Variants in FHDC1 observed in about 807,000 individuals in gnomAD.
FHDC1 encodes FH2 domain containing 1, also known as FH2 domain-containing protein 1.
Under a neutral mutation model 52.6 loss-of-function variants are expected in FHDC1, and 25 were observed. The observed-to-expected ratio is 0.48, with a 90% CI of 0.35 to 0.66. The LOEUF (loss-of-function observed/expected upper bound fraction) is 0.66, where lower values mean the gene tolerates loss of function less well. Ranked by LOEUF, FHDC1 falls within the 30% of genes least tolerant of loss-of-function variation. FHDC1 has a pLI of 0.01. For synonymous variants in FHDC1, 616 were observed against 581.5 expected (o/e 1.06, Z -0.85); for missense variants, 1,459 against 1,452.8 (o/e 1.00, Z -0.07).
the FHDC1 span, among the ~76,000 whole-genome samples, chr4:152,921,202 T>C: frequency 6.6e-6 from 1 of 152,014 alleles, no homozygotes; most frequent in South Asian, 2.1e-4. Context: ...TAAATAACTT[T>C]TGAATTAGAC....
At chr4:152,954,077 G>A (rs1255433302) in intron 3 of FHDC1, 140 bp from the exon 4 acceptor site, 5 of 654,924 alleles carry the variant, frequency 7.6e-6, no homozygotes, top group East Asian at 2.8e-5. Context: ...GCTGTTATGA[G>A]CACTCACACA....
At chr4:152,938,934 C>T (rs771851190) in intron 1 of FHDC1, among the ~76,000 whole-genome samples, 1 of 152,194 alleles carries the variant, frequency 6.6e-6, no homozygotes, top group Non-Finnish European at 1.5e-5. Flanking sequence ...TTCTGAGCAC[C>T]AGGACCACTG....
the FHDC1 span, among the ~76,000 whole-genome samples, chr4:152,929,311 TTAGTG>T: frequency 6.6e-6 from 1 of 152,186 alleles, no homozygotes; most frequent in Non-Finnish European, 1.5e-5. This position sits in a 1 kb window ranked among gnomAD's most constrained non-coding sequence, Gnocchi z 4.1. Context: ...TTGGTCTGGC[TTAGTG>T]AAACAATAAG....
At chr4:152,974,397 A>AC (rs1740771186) in intron 11 of FHDC1, among the ~76,000 whole-genome samples, 1 of 35,124 alleles carries the variant, frequency 2.8e-5, no homozygotes, top group African/African-American at 4.0e-5. Context: ...ATCGGATAAA[A>AC]ACTGTAGACA....
the FHDC1 span, among the ~76,000 whole-genome samples, chr4:152,925,025 AAAAT>A: frequency 2.6e-5 from 4 of 152,042 alleles, no homozygotes; most frequent in Non-Finnish European, 5.9e-5. Context: ...AAAAAGAAGA[AAAAT>A]AAATAAAAAA....
the FHDC1 span, among the ~76,000 whole-genome samples, chr4:152,928,560 T>C: frequency 6.6e-6 from 1 of 152,248 alleles, no homozygotes; most frequent in African/African-American, 2.4e-5. Context: ...TTCTGTTTTT[T>C]ACTTTTCCCC....
intron 10 of FHDC1, among the ~76,000 whole-genome samples, chr4:152,971,534 T>G (rs1740634806): frequency 6.6e-6 from 1 of 152,188 alleles, no homozygotes; most frequent in Non-Finnish European, 1.5e-5. Context: ...CTGAAGGCCT[T>G]GGAAATCATT....
rs111488597 is a variant in FHDC1 at position 152,964,066 on chromosome 4, G to A, written c.1030-839G>A. On this transcript the variant is annotated intron_variant, in intron 8 of 11. Transcript: ENST00000511601. ...TCCTTTGCTAGCTCTACTTCCTCAG[G>A]CAAGTTATTTAAACCTGAAGACCCT... 5.1e-3 allele frequency among the ~76,000 whole-genome samples: 778 copies of A among 152,058 alleles called. 6 individuals carry two copies. The highest frequency in any genetic ancestry group is 0.017 in the Middle Eastern group (5 of 294).
At chr4:152,935,869 G>A (rs1436713447), upstream of FHDC1, among the ~76,000 whole-genome samples, 1 of 152,154 alleles carries the variant, frequency 6.6e-6, no homozygotes, top group South Asian at 2.1e-4. Flanking sequence ...ATAAGAGTGT[G>A]TGCGCGCCCG....
intron 11 of FHDC1, among the ~76,000 whole-genome samples, chr4:152,973,330 T>C (rs948728421): frequency 5.3e-5 from 8 of 152,194 alleles, no homozygotes; most frequent in Non-Finnish European, 1.2e-4. Flanking sequence ...CTTTGAGGGA[T>C]TGGTCAGATT....
chr4:152,946,597 A>G (rs1739741501), intron 2 of FHDC1, among the ~76,000 whole-genome samples: 1 of 152,194 alleles, frequency 6.6e-6, no homozygotes, highest in Admixed American at 6.5e-5. Flanking sequence ...CAAAAGTAAT[A>G]GTCCTACCAT....
At chr4:152,911,608 G>A in the FHDC1 span, 2 of 152,690 alleles carry the variant, frequency 1.3e-5, no homozygotes, top group East Asian at 3.9e-4. Flanking sequence ...TTTCTTCTGT[G>A]TTGAAATGAA....
Position 152,976,199 on chromosome 4 carries a change from G to A in FHDC1, c.2908G>A (p.Gly970Arg), listed in dbSNP as rs759807828. The part of the protein sequence containing the change: ...GSSGSSSTRP[G>R]RDVPLQPRGS... ...CAGCGGCTCCAGCAGCACCCGTCCG[G>A]GGAGGGACGTTCCCCTGCAGCCCAG... Residue 970 changes from glycine to arginine, a missense_variant, in exon 12 of 12, where the codon GGG (glycine) becomes AGG (arginine). Transcript: ENST00000511601. 25 of 1,612,816 alleles carry A rather than the reference G, an allele frequency of 1.6e-5. No individual in the cohort carries two copies. Among genetic ancestry groups the A allele is most frequent in the Non-Finnish European group, 2.0e-5 (24 of 1,179,822 alleles).
intron 4 of FHDC1, among the ~76,000 whole-genome samples, chr4:152,956,924 C>A (rs1391397067): frequency 6.6e-6 from 1 of 152,146 alleles, no homozygotes; most frequent in Non-Finnish European, 1.5e-5. Context: ...CCTTCCTAAA[C>A]CCTCCCGGGT....
At chr4:152,957,723 C>T (rs1740143811) in intron 4 of FHDC1, among the ~76,000 whole-genome samples, 1 of 152,222 alleles carries the variant, frequency 6.6e-6, no homozygotes, top group South Asian at 2.1e-4. Flanking sequence ...CCTGCCTTCT[C>T]AGCTGACAAG....
At chr4:152,939,737 A>G (rs1186210352) in intron 1 of FHDC1, among the ~76,000 whole-genome samples, 1 of 152,200 alleles carries the variant, frequency 6.6e-6, no homozygotes, top group Non-Finnish European at 1.5e-5. Context: ...TCCCATCTTC[A>G]GAGCCCAGCC....
At chr4:152,974,262 C>T (rs1740764775) in intron 11 of FHDC1, among the ~76,000 whole-genome samples, 1 of 152,142 alleles carries the variant, frequency 6.6e-6, no homozygotes. Flanking sequence ...CCTGGAAGTC[C>T]TCTGTGTCTT....
At chr4:152,968,310 C>T (rs2090383) in intron 10 of FHDC1, among the ~76,000 whole-genome samples, 114,726 of 151,098 alleles carry the variant, frequency 0.76, 46,149 homozygotes, top group East Asian at 0.91. Flanking sequence ...TTTTTTGTCT[C>T]TTCGTTTGTT....
chr4:152,921,868 G>A, the FHDC1 span, among the ~76,000 whole-genome samples: 2 of 152,136 alleles, frequency 1.3e-5, no homozygotes, highest in African/African-American at 4.8e-5. Flanking sequence ...GTGTGTAGAG[G>A]GAAATTTATA....
Sources: allele counts gnomAD v4.1 joint callset (sites outside exome capture counted in the v4.1 genomes callset), GRCh38; gene constraint gnomAD v4.1.1; non-coding constraint Gnocchi (gnomAD v3.1); transcripts MANE v1.5; gene names NCBI Gene and HGNC (gene_info 2026-07-23, HGNC 2026-07-21).